THOC1: variants seen among roughly 807,000 people sequenced by gnomAD.
The protein encoded by THOC1 is THO complex subunit 1, also known as THO complex 1.
A neutral mutation model predicts 97.3 loss-of-function variants in THOC1; 29 were observed. That is an observed-to-expected ratio of 0.30 (90% confidence interval 0.22 to 0.41). The LOEUF is 0.41. Ranked by LOEUF, THOC1 falls within the 10% of genes least tolerant of loss-of-function variation. THOC1 has a pLI of 1.00. For synonymous variants in THOC1, 255 were observed against 257.0 expected (o/e 0.99, Z 0.07); for missense variants, 529 against 761.9 (o/e 0.69, Z 3.60).
intron 19 of THOC1, 75 bp downstream of exon 19, chr18:216,411 T>C: frequency 3.3e-6 from 5 of 1,502,158 alleles, no homozygotes; most frequent in Non-Finnish European, 3.6e-6. Flanking sequence ...AAGTCAGTTT[T>C]TTGCTCACAT....
chr18:240,470 C>CA (rs1911858813), intron 11 of THOC1, among the ~76,000 whole-genome samples: 1 of 152,188 alleles, frequency 6.6e-6, no homozygotes, highest in African/African-American at 2.4e-5. Context: ...GACCAGAGTT[C>CA]AAAAATGTCA....
chr18:223,273 C>T (rs923873791), intron 17 of THOC1, among the ~76,000 whole-genome samples, 167 bp downstream of exon 17: 3 of 152,072 alleles, frequency 2.0e-5, no homozygotes, highest in African/African-American at 4.8e-5. Context: ...ATTATTTTAT[C>T]AGCACTTTGA....
At position 249,668 on chromosome 18, in the gene THOC1, GA is replaced by G. The variant is rs11399503; in HGVS notation, c.678-1712del. On this transcript the variant is annotated intron_variant, in intron 9 of 20. Transcript: ENST00000261600. ...CAGAGCGAGACTCCGTCTCAAAAAA[GA>G]AAAAAAAAAAAGCCGCAAAAAGAAC... is the stretch of plus-strand genomic sequence containing the variant. Among the ~76,000 whole-genome samples, 304 of 120,994 alleles carry G rather than the reference GA, an allele frequency of 2.5e-3. 2 individuals carry two copies. Among genetic ancestry groups the G allele is most frequent in the East Asian group, 0.015 (56 of 3,808 alleles). The allele number at this position is 120,994 out of a possible 152,430, so 79.4% of individuals were successfully genotyped here. A position where few individuals can be genotyped will look rare whatever the true frequency, so the allele number is the denominator to read the frequency against.
intron 11 of THOC1, 114 bp from the exon 12 acceptor site, chr18:227,015 C>T (rs1398454974): frequency 1.2e-6 from 1 of 853,882 alleles, no homozygotes; most frequent in African/African-American, 1.7e-5. Flanking sequence ...ATTTAAAAGC[C>T]ATTTGTTGAG....
At chr18:227,666 C>T (rs953334682) in intron 11 of THOC1, among the ~76,000 whole-genome samples, 2 of 152,144 alleles carry the variant, frequency 1.3e-5, no homozygotes, top group Non-Finnish European at 2.9e-5. Context: ...GAAGGAAGGT[C>T]ATTCTGATTA....
chr18:257,185 A>G (rs1334653338), intron 7 of THOC1, among the ~76,000 whole-genome samples: 1 of 152,118 alleles, frequency 6.6e-6, no homozygotes, highest in Non-Finnish European at 1.5e-5. Context: ...CTGGAACAAA[A>G]CCCACGGTAT....
chr18:246,916 C>CAA lies in THOC1; in HGVS notation c.787-463_787-462dup, dbSNP rs36101469. On this transcript the variant is annotated intron_variant, in intron 10 of 20. Coordinates refer to ENST00000261600, the MANE Select transcript of THOC1 (RefSeq NM_005131.3). ...CCCTTGAACCTGGGAGGCTCCGTCT[C>CAA]AAAAAAAAAAAAAAAAAAAACGAAG... Among the ~76,000 whole-genome samples, 88 of 98,192 alleles carry CAA rather than the reference C, an allele frequency of 9.0e-4. No homozygotes were observed. In the East Asian group the frequency reaches 0.024, roughly 26 times the overall value. The allele number at this position is 98,192 out of a possible 152,430, so 64.4% of individuals were successfully genotyped here. A position where few individuals can be genotyped will look rare whatever the true frequency, so the allele number is the denominator to read the frequency against.
intron 11 of THOC1, among the ~76,000 whole-genome samples, chr18:243,529 C>T (rs1383773251): frequency 4.0e-5 from 6 of 151,738 alleles, no homozygotes; most frequent in Admixed American, 3.3e-4. Context: ...CAGAGCAAAA[C>T]TCCGTCTCAA....
chr18:259,754 A>G, intron 5 of THOC1, 24 bp from the exon 6 acceptor site: 1 of 1,511,092 alleles, frequency 6.6e-7, no homozygotes, highest in Non-Finnish European at 8.9e-7. Flanking sequence ...GGAAATTATC[A>G]CTCTTCTTCA....
At chr18:233,648 G>C (rs1355733252) in intron 11 of THOC1, among the ~76,000 whole-genome samples, 1 of 152,118 alleles carries the variant, frequency 6.6e-6, no homozygotes, top group Non-Finnish European at 1.5e-5. Context: ...ATCTTCTTTT[G>C]TATATTAACC....
At chr18:221,974 T>C (rs1009979146) in intron 17 of THOC1, among the ~76,000 whole-genome samples, 2 of 152,184 alleles carry the variant, frequency 1.3e-5, no homozygotes, top group African/African-American at 4.8e-5. Flanking sequence ...CATTTATATT[T>C]GAATTTAACC....
chr18:227,378 T>A (rs1483099753), intron 11 of THOC1, among the ~76,000 whole-genome samples: 1 of 152,098 alleles, frequency 6.6e-6, no homozygotes, highest in Admixed American at 6.5e-5. Context: ...GAAGAAATAA[T>A]GGCTAAAGAA....
intron 18 of THOC1, among the ~76,000 whole-genome samples, chr18:218,345 C>T (rs1910964342): frequency 6.6e-6 from 1 of 152,154 alleles, no homozygotes; most frequent in African/African-American, 2.4e-5. Flanking sequence ...TCTTCAATTC[C>T]TATTTAAAGC....
intron 3 of THOC1, among the ~76,000 whole-genome samples, chr18:264,694 G>C (rs750031070): frequency 6.6e-6 from 1 of 152,208 alleles, no homozygotes; most frequent in Non-Finnish European, 1.5e-5. Context: ...TTTTTAATCA[G>C]ACTTGTCTGA....
intron 10 of THOC1, among the ~76,000 whole-genome samples, chr18:247,265 C>G (rs1440099999): frequency 6.6e-6 from 1 of 152,082 alleles, no homozygotes; most frequent in Non-Finnish European, 1.5e-5. Context: ...TTAATTATGA[C>G]AAAAAAGGAC....
chr18:251,326 C>T (rs1256908185), intron 9 of THOC1, among the ~76,000 whole-genome samples: 2 of 152,142 alleles, frequency 1.3e-5, no homozygotes, highest in Non-Finnish European at 2.9e-5. Flanking sequence ...AAATACATCT[C>T]CCTGGGCAGA....
At chr18:255,011 C>A (rs1173407966) in intron 7 of THOC1, among the ~76,000 whole-genome samples, 2 of 151,984 alleles carry the variant, frequency 1.3e-5, no homozygotes, top group Non-Finnish European at 1.5e-5. Context: ...TAGAGACGGG[C>A]TTTTGCCATG....
At chr18:217,362 A>G (rs1455838613) in intron 18 of THOC1, among the ~76,000 whole-genome samples, 1 of 152,226 alleles carries the variant, frequency 6.6e-6, no homozygotes, top group Non-Finnish European at 1.5e-5. Flanking sequence ...ATCTGTTTAG[A>G]CAATTTGATT....
chr18:266,576 T>C (rs1002322106), intron 1 of THOC1, among the ~76,000 whole-genome samples: 10 of 151,128 alleles, frequency 6.6e-5, no homozygotes, highest in African/African-American at 2.2e-4. Flanking sequence ...TCTCCCTCTG[T>C]TGCCCAGGTG....
Sources: allele counts gnomAD v4.1 joint callset (sites outside exome capture counted in the v4.1 genomes callset), GRCh38; gene constraint gnomAD v4.1.1; transcripts MANE v1.5; gene names NCBI Gene and HGNC (gene_info 2026-07-23, HGNC 2026-07-21).